TENM1: variants seen among roughly 807,000 people sequenced by gnomAD.
TENM1 encodes the protein teneurin-1.
A neutral mutation model predicts 174.8 loss-of-function variants in TENM1; 35 were observed. The ratio of observed to expected loss-of-function variants is 0.20; its 90% CI spans 0.15 to 0.27. The LOEUF (loss-of-function observed/expected upper bound fraction) is 0.27. TENM1 is among the 10% of genes least tolerant of loss of function. The pLI is 1.00. For missense variants in TENM1, 1,633 were observed against 2,130.1 expected (o/e 0.77, Z 4.59); for synonymous variants, 781 against 798.7 (o/e 0.98, Z 0.37).
At chrX:125,024,385 C>CCACA in the TENM1 span, among the ~76,000 whole-genome samples, 105 of 105,591 alleles carry the variant, frequency 9.9e-4, 1 homozygote, top group African/African-American at 3.3e-3. Flanking sequence ...CACACACACA[C>CCACA]CACACACACA....
At chrX:124,646,669 C>A in intron 9 of TENM1, 40 bp downstream of exon 12, 1 of 974,664 alleles carries the variant, frequency 1.0e-6, no homozygotes, top group South Asian at 2.1e-5. Context: ...GAAATCACAT[C>A]TATTTTCCTA....
chrX:124,552,662 T>C (rs2048601956), intron 14 of TENM1, among the ~76,000 whole-genome samples: 1 of 112,154 alleles, frequency 8.9e-6, no homozygotes, highest in African/African-American at 3.2e-5. Flanking sequence ...AATGACTTAT[T>C]ACCTCACAGT....
the TENM1 span, among the ~76,000 whole-genome samples, chrX:125,154,728 C>T: frequency 5.4e-5 from 6 of 110,201 alleles, no homozygotes; most frequent in African/African-American, 1.7e-4. Flanking sequence ...CGGATGTGTT[C>T]GGAGTTTCTT....
chrX:125,108,080 G>T, the TENM1 span, among the ~76,000 whole-genome samples: 1 of 111,927 alleles, frequency 8.9e-6, no homozygotes, highest in Non-Finnish European at 1.9e-5. Flanking sequence ...TTCCATCTCT[G>T]CTAATGAGAT....
At chrX:125,128,092 T>C in the TENM1 span, among the ~76,000 whole-genome samples, 4 of 111,803 alleles carry the variant, frequency 3.6e-5, no homozygotes, top group Admixed American at 9.5e-5. Flanking sequence ...AAAAAGCTTG[T>C]CCTTATTTGT....
chrX:124,503,525 A>G (rs769870163), intron 19 of TENM1, 35 bp downstream of exon 22: 15 of 1,162,314 alleles, frequency 1.3e-5, no homozygotes, highest in Non-Finnish European at 1.7e-5. Context: ...AGCATTAGGA[A>G]AGTAGTATTC....
At chrX:124,740,079 G>A (rs2053764462) in intron 3 of TENM1, among the ~76,000 whole-genome samples, 1 of 111,874 alleles carries the variant, frequency 8.9e-6, no homozygotes, top group Admixed American at 9.5e-5. Flanking sequence ...AAAAGCACCA[G>A]TGACACACTA....
chrX:124,576,984 A>G (rs935194419), intron 11 of TENM1, among the ~76,000 whole-genome samples: 2 of 112,162 alleles, frequency 1.8e-5, no homozygotes, highest in African/African-American at 3.2e-5. Context: ...TAAGTCCCCA[A>G]GCAAATCTGA....
the TENM1 span, among the ~76,000 whole-genome samples, chrX:125,094,686 T>C: frequency 4.5e-5 from 5 of 112,160 alleles, no homozygotes; most frequent in African/African-American, 1.6e-4. Flanking sequence ...TTGGGTTCTA[T>C]TGATGTGGTG....
At chrX:124,825,998 T>C (rs1001486864) in intron 3 of TENM1, among the ~76,000 whole-genome samples, 1 of 112,300 alleles carries the variant, frequency 8.9e-6, no homozygotes, top group African/African-American at 3.2e-5. Context: ...TTTGAAACCA[T>C]ATAGCAGAAA....
chrX:125,128,090 T>C, the TENM1 span, among the ~76,000 whole-genome samples: 1 of 111,805 alleles, frequency 8.9e-6, no homozygotes, highest in Non-Finnish European at 1.9e-5. Flanking sequence ...ACAAAAAGCT[T>C]GTCCTTATTT....
In TENM1 at chrX:124,853,005, T is replaced by A. The variant is rs191738895; in HGVS notation, c.535+41291A>T. Among the ~76,000 whole-genome samples, 4 of 112,013 alleles carry A rather than the reference T, an allele frequency of 3.6e-5. No individual in the cohort carries two copies. The East Asian group carries it at 1.1e-3, about 32-fold the overall frequency. ...TGTAATAGCCTGGTGGAAATAGAAGTCAAATTACATTTAATTTATTCAACA... is the reference window on the plus strand; with the variant it reads ...TGTAATAGCCTGGTGGAAATAGAAGACAAATTACATTTAATTTATTCAACA... On this transcript the variant is annotated intron_variant, in intron 3 of 31. Transcript: ENST00000422452.
chrX:124,995,906 A>G, the TENM1 span, among the ~76,000 whole-genome samples: 2 of 111,119 alleles, frequency 1.8e-5, no homozygotes, highest in African/African-American at 6.5e-5. Flanking sequence ...TAGAAACATC[A>G]CAAATAACCT....
chrX:124,508,676 G>A, intron 18 of TENM1, among the ~76,000 whole-genome samples: 1 of 112,197 alleles, frequency 8.9e-6, no homozygotes, highest in Non-Finnish European at 1.9e-5. Context: ...GTTCCGTACA[G>A]TAAAACCTGA....
At chrX:124,588,598 C>G (rs775188387) in intron 11 of TENM1, among the ~76,000 whole-genome samples, 2 of 109,702 alleles carry the variant, frequency 1.8e-5, no homozygotes, top group Admixed American at 9.8e-5. Context: ...TGCTAAATGA[C>G]GAGTTAATGG....
chrX:125,190,495 A>G, the TENM1 span, among the ~76,000 whole-genome samples: 4 of 112,021 alleles, frequency 3.6e-5, no homozygotes, highest in Admixed American at 3.8e-4. Context: ...AAATCCTAGC[A>G]GGGTAAGTTC....
rs1282234110 is a variant in TENM1, at chrX:124,713,180, T to C, written c.777-7929A>G. 8.9e-5 allele frequency among the ~76,000 whole-genome samples: 10 copies of C among 112,130 alleles called. No homozygotes were observed. In the Admixed American group the frequency reaches 9.4e-4, roughly 11 times the overall value. On this transcript the variant is annotated intron_variant, in intron 4 of 31. Transcript: ENST00000422452. ...TTCTGGATACCTATCTAAGCTTTAA[T>C]TTTCCTAGGCTTAAGTCTTAGTTCT...
chrX:125,034,417 G>T, the TENM1 span, among the ~76,000 whole-genome samples: 1 of 111,201 alleles, frequency 9.0e-6, no homozygotes, highest in Admixed American at 9.6e-5. Flanking sequence ...ACAAGTTTGG[G>T]ACCTGTGCCT....
At chrX:124,757,232 C>A (rs1397713087) in intron 3 of TENM1, among the ~76,000 whole-genome samples, 1 of 112,513 alleles carries the variant, frequency 8.9e-6, no homozygotes, top group Non-Finnish European at 1.9e-5. Context: ...TGCCACCTTG[C>A]AGTTTGATCT....
Sources: gnomAD v4.1 joint callset for allele counts (sites outside exome capture counted in the v4.1 genomes callset) on GRCh38, gnomAD v4.1.1 for gene constraint, MANE v1.5 for transcripts, NCBI Gene and HGNC (gene_info 2026-07-23, HGNC 2026-07-21) for gene names.